The following TCF12 variants were observed in gnomAD, a reference collection of about 807,000 sequenced individuals.
The protein encoded by TCF12 is transcription factor 12, also known as DNA-binding protein HTF4.
Under a neutral mutation model 86.0 loss-of-function variants are expected in TCF12, and 45 were observed. The ratio of observed to expected loss-of-function variants is 0.52; its 90% CI spans 0.41 to 0.67. The LOEUF (loss-of-function observed/expected upper bound fraction) is 0.67, where lower values mean the gene tolerates loss of function less well. TCF12 is among the 30% of genes least tolerant of loss of function. The pLI, the probability that TCF12 is intolerant of heterozygous loss-of-function variation, is 0.00. For missense variants in TCF12, 881 were observed against 859.9 expected (o/e 1.02, Z -0.31); for synonymous variants, 330 against 299.6 (o/e 1.10, Z -1.05).
At chr15:57,188,428 C>G (rs2056799643) in intron 6 of TCF12, among the ~76,000 whole-genome samples, 1 of 152,154 alleles carries the variant, frequency 6.6e-6, no homozygotes, top group African/African-American at 2.4e-5. Flanking sequence ...ATGCAATACC[C>G]ATCAAACTTC....
Position 57,253,467 on chromosome 15 carries a change from T to C in TCF12, c.1466T>C (p.Met489Thr). The change falls in exon 16 of 21, where the codon ATG (methionine) becomes ACG (threonine). Residue 489 changes from methionine to threonine, a missense_variant and splice_region_variant. Physicochemically the swap from Met to Thr is moderately conservative, Grantham distance 81 (BLOSUM62 -1). Transcript: ENST00000333725. ...GTTGCAAGCAGTCGATCAGCTTCAATGGTAAAATCATGCTCATCTTTTTTG... is the reference window on the plus strand; with the variant it reads ...GTTGCAAGCAGTCGATCAGCTTCAACGGTAAAATCATGCTCATCTTTTTTG... ...SLVASSRSAS[M>T]VGTHREDSVS... is the part of the protein sequence containing the mutation. 1 of 1,613,942 alleles carries C rather than the reference T, an allele frequency of 6.2e-7. No individual in the cohort carries two copies. Among genetic ancestry groups the C allele is most frequent in the Non-Finnish European group, 8.5e-7 (1 of 1,179,932 alleles).
In TCF12 at chr15:57,169,797, C is replaced by A. The variant is rs900966186; in HGVS notation, c.390+3331C>A. On this transcript the variant is annotated intron_variant, in intron 6 of 20. Transcript: ENST00000333725. ...TATTATGTTCAAATGTTTTCACTTA[C>A]GTATTTATACCCTCTTGGCAAAGGT... Among the ~76,000 whole-genome samples the A allele has an allele frequency of 9.9e-5, 15 of 152,150 alleles. No individual in the cohort carries two copies. In the East Asian group the frequency reaches 2.1e-3, roughly 22 times the overall value.
intron 8 of TCF12, among the ~76,000 whole-genome samples, chr15:57,225,324 C>T (rs981171880): frequency 1.8e-4 from 27 of 147,568 alleles, no homozygotes; most frequent in African/African-American, 6.6e-4. Context: ...ACTGCAAGCT[C>T]CGCCTCCCAG....
chr15:57,248,572 A>G (rs1224311334), intron 13 of TCF12, among the ~76,000 whole-genome samples: 1 of 152,024 alleles, frequency 6.6e-6, no homozygotes, highest in Non-Finnish European at 1.5e-5. Context: ...GAAAAAAATA[A>G]TAAGGAGAGA....
chr15:57,128,224 A>C (rs1224391915), intron 5 of TCF12, among the ~76,000 whole-genome samples: 1 of 152,174 alleles, frequency 6.6e-6, no homozygotes. Context: ...TACATCTATA[A>C]ACATGTAATT....
At chr15:57,144,619 G>A (rs184472495) in intron 5 of TCF12, among the ~76,000 whole-genome samples, 1 of 152,184 alleles carries the variant, frequency 6.6e-6, no homozygotes, top group East Asian at 1.9e-4. Flanking sequence ...CTCTTTTTGA[G>A]ACAGCTTCTC....
intron 18 of TCF12, among the ~76,000 whole-genome samples, chr15:57,268,849 G>A (rs1165531622): frequency 6.7e-6 from 1 of 149,154 alleles, no homozygotes; most frequent in Non-Finnish European, 1.5e-5. Context: ...TTTTTTTCCT[G>A]AGAAGTTCTA....
chr15:57,191,107 A>G (rs1455012655), intron 6 of TCF12, among the ~76,000 whole-genome samples: 1 of 152,162 alleles, frequency 6.6e-6, no homozygotes, highest in Non-Finnish European at 1.5e-5. Context: ...TTGCTTAAAT[A>G]TAGTGTTAAA....
chr15:57,250,491 G>A (rs1174257659), intron 13 of TCF12, among the ~76,000 whole-genome samples: 1 of 152,196 alleles, frequency 6.6e-6, no homozygotes, highest in Admixed American at 6.5e-5. Flanking sequence ...CACTTTGTGA[G>A]GCTGAGGCGG....
At chr15:57,053,961 TGATA>T (rs2067812170) in intron 3 of TCF12, among the ~76,000 whole-genome samples, 1 of 152,188 alleles carries the variant, frequency 6.6e-6, no homozygotes, top group Non-Finnish European at 1.5e-5. Flanking sequence ...ATCCAGAAGA[TGATA>T]GATAGCAGGA....
intron 8 of TCF12, among the ~76,000 whole-genome samples, chr15:57,221,255 G>C (rs1316173629): frequency 6.6e-6 from 1 of 152,088 alleles, no homozygotes; most frequent in Non-Finnish European, 1.5e-5. Context: ...AGATTTAGAT[G>C]GATGAGTGAA....
intron 19 of TCF12, among the ~76,000 whole-genome samples, chr15:57,277,426 C>T (rs1311942285): frequency 6.6e-6 from 1 of 151,404 alleles, no homozygotes; most frequent in Admixed American, 6.6e-5. Flanking sequence ...GTCAAGAGAT[C>T]GAGACCATCC....
At chr15:57,009,780 C>G (rs2064707574) in intron 3 of TCF12, among the ~76,000 whole-genome samples, 2 of 152,124 alleles carry the variant, frequency 1.3e-5, no homozygotes, top group Admixed American at 6.6e-5. Flanking sequence ...CAGGTGATGT[C>G]CTTTTTGTCC....
intron 3 of TCF12, among the ~76,000 whole-genome samples, chr15:56,927,911 G>A (rs2060085899): frequency 1.3e-5 from 2 of 152,120 alleles, no homozygotes; most frequent in Admixed American, 1.3e-4. Context: ...TATGACATTT[G>A]GAGCACATTT....
rs2733184 is a variant in TCF12 at position 57,067,027 on chromosome 15, C to A, written c.222+3204C>A. 8.4e-3 allele frequency among the ~76,000 whole-genome samples: 1,285 copies of A among 152,252 alleles called. 26 individuals are homozygous for A. Among genetic ancestry groups the A allele is most frequent in the African/African-American group, 0.029 (1,217 of 41,546 alleles). ...TTATGTATTAAGCGGTCACAAACTT[C>A]TTATCTCTGTGTTAGGCTTATCCCC... On this transcript the variant is annotated intron_variant, in intron 4 of 20. Coordinates refer to ENST00000333725, the MANE Select transcript of TCF12 (RefSeq NM_207037.2).
intron 16 of TCF12, among the ~76,000 whole-genome samples, 190 bp from the exon 17 acceptor site, chr15:57,261,904 G>T (rs1273408941): frequency 6.6e-6 from 1 of 152,078 alleles, no homozygotes; most frequent in Admixed American, 6.5e-5. Context: ...TGATTTAAAA[G>T]CAGTACTGCT....
intron 3 of TCF12, among the ~76,000 whole-genome samples, chr15:57,025,143 G>T (rs201395389): frequency 6.6e-6 from 1 of 151,886 alleles, no homozygotes; most frequent in South Asian, 2.1e-4. Flanking sequence ...GCAGTGGCAC[G>T]ATCGCAGCTC....
At position 57,074,360 on chromosome 15, in the gene TCF12, TAAAA is replaced by T. The variant is rs35606687; in HGVS notation, c.222+10554_222+10557del. ...TGAGAAATTTCATGCCCATTTTGAT[TAAAA>T]AAAAAAAAAAAAAAAAGATGTTAGG... On this transcript the variant is annotated intron_variant, in intron 4 of 20. Transcript: ENST00000333725. Among the ~76,000 whole-genome samples, 502 of 110,642 alleles carry T rather than the reference TAAAA, an allele frequency of 4.5e-3. 4 individuals carry two copies. Among genetic ancestry groups the T allele is most frequent in the African/African-American group, 0.012 (425 of 36,044 alleles). 72.6% of individuals were successfully genotyped at this position (110,642 alleles called of 152,430 possible). A position where few individuals can be genotyped will look rare whatever the true frequency, so the allele number is the denominator to read the frequency against.
intron 5 of TCF12, among the ~76,000 whole-genome samples, chr15:57,104,861 G>GTTTTTTTTTTTT (rs11336613): frequency 2.8e-4 from 20 of 71,482 alleles, no homozygotes; most frequent in East Asian, 5.0e-4. Flanking sequence ...CTTTGGTGGT[G>GTTTTTTTTTTTT]TTTTTTTTTT....
Sources: allele counts gnomAD v4.1 joint callset (sites outside exome capture counted in the v4.1 genomes callset), GRCh38; gene constraint gnomAD v4.1.1; transcripts MANE v1.5; gene names NCBI Gene and HGNC (gene_info 2026-07-23, HGNC 2026-07-21).